The following HCN1 variants were observed in gnomAD, a reference collection of about 807,000 sequenced individuals.
HCN1 encodes hyperpolarization activated cyclic nucleotide gated potassium channel 1.
Under a neutral mutation model 78.9 loss-of-function variants are expected in HCN1, and 13 were observed. That is an observed-to-expected ratio of 0.16 (90% CI 0.11 to 0.26). The LOEUF (loss-of-function observed/expected upper bound fraction) is 0.26, where lower values mean the gene tolerates loss of function less well. HCN1 is among the 10% of genes least tolerant of loss of function. The pLI, the probability that HCN1 is intolerant of heterozygous loss-of-function variation, is 1.00. For missense variants in HCN1, 810 were observed against 1,154.3 expected, an observed-to-expected ratio of 0.70 and a Z score of 4.32; for synonymous variants, 552 against 455.5, an observed-to-expected ratio of 1.21 and a Z score of -2.70.
chr5:45,650,797 C>T (rs1176864411), intron 1 of HCN1, among the ~76,000 whole-genome samples: 1 of 151,492 alleles, frequency 6.6e-6, no homozygotes, highest in African/African-American at 2.4e-5. Flanking sequence ...TTTTCTCTAC[C>T]CACATGCAAC....
Position 45,388,740 on chromosome 5 carries a change from C to T in HCN1, c.1230+7752G>A, listed in dbSNP as rs558545664. Among the ~76,000 whole-genome samples the T allele has an allele frequency of 2.0e-5, 3 of 152,266 alleles. No homozygotes were observed. In the East Asian group the frequency reaches 5.8e-4, roughly 29 times the overall value. On this transcript the variant is annotated intron_variant, in intron 4 of 7. Coordinates refer to ENST00000303230, the MANE Select transcript of HCN1 (RefSeq NM_021072.4). ...GAGCAGTGTCATCCCACTTACCCCT[C>T]TCATTTCACAAAGTTTATTTGTGAA...
intron 3 of HCN1, among the ~76,000 whole-genome samples, chr5:45,449,837 G>GT (rs983416058): frequency 9.2e-5 from 14 of 151,680 alleles, no homozygotes; most frequent in East Asian, 5.8e-4. Flanking sequence ...ACATAAGTTG[G>GT]TTTTTTTTCT....
intron 4 of HCN1, among the ~76,000 whole-genome samples, chr5:45,383,090 T>C (rs936256769): frequency 1.6e-4 from 24 of 151,984 alleles, no homozygotes; most frequent in African/African-American, 4.3e-4. Context: ...AGAAAATGAG[T>C]CTCTAAGAGA....
At chr5:45,549,307 C>A (rs1375226859) in intron 2 of HCN1, among the ~76,000 whole-genome samples, 1 of 152,000 alleles carries the variant, frequency 6.6e-6, no homozygotes, top group Non-Finnish European at 1.5e-5. Flanking sequence ...AGATATAGAC[C>A]AATGGAACAT....
chr5:45,330,247 C>T (rs1028803721), intron 5 of HCN1, among the ~76,000 whole-genome samples: 6 of 151,182 alleles, frequency 4.0e-5, no homozygotes, highest in Non-Finnish European at 1.5e-5. Flanking sequence ...ATTTGGCATA[C>T]ATAAATATTT....
chr5:45,391,046 C>G (rs1464929128), intron 4 of HCN1, among the ~76,000 whole-genome samples: 2 of 151,920 alleles, frequency 1.3e-5, no homozygotes, highest in Non-Finnish European at 2.9e-5. Flanking sequence ...ATGTTAAATT[C>G]AGTTCCCGGG....
intron 2 of HCN1, among the ~76,000 whole-genome samples, chr5:45,519,638 CTATT>C (rs1370320568): frequency 6.6e-6 from 1 of 151,876 alleles, no homozygotes; most frequent in Admixed American, 6.6e-5. Flanking sequence ...TTTTTAAAAA[CTATT>C]TATTCAATAA....
At chr5:45,650,380 G>GTCAACAAT (rs1400583358) in intron 1 of HCN1, among the ~76,000 whole-genome samples, 4 of 151,924 alleles carry the variant, frequency 2.6e-5, no homozygotes, top group Non-Finnish European at 5.9e-5. Context: ...AAAGCCTAAC[G>GTCAACAAT]TCAACAATGA....
At chr5:45,395,846 T>TG (rs1269872433) in intron 4 of HCN1, among the ~76,000 whole-genome samples, 5 of 151,200 alleles carry the variant, frequency 3.3e-5, no homozygotes, top group African/African-American at 9.9e-5. Flanking sequence ...ATTCTTCATG[T>TG]GGGAAAAAAA....
At chr5:45,599,578 G>T (rs2111961264) in intron 2 of HCN1, among the ~76,000 whole-genome samples, 1 of 152,142 alleles carries the variant, frequency 6.6e-6, no homozygotes, top group African/African-American at 2.4e-5. Context: ...AAAAACTGCT[G>T]AGGCTACCAC....
chr5:45,467,767 T>A (rs1741303399), intron 2 of HCN1, among the ~76,000 whole-genome samples: 1 of 152,122 alleles, frequency 6.6e-6, no homozygotes, highest in Admixed American at 6.6e-5. Context: ...TATAGTTGAA[T>A]TCCCTCAACT....
intron 3 of HCN1, among the ~76,000 whole-genome samples, chr5:45,413,309 AT>A (rs1335002815): frequency 6.6e-6 from 1 of 152,070 alleles, no homozygotes; most frequent in Admixed American, 6.6e-5. Context: ...AATTTCAGAT[AT>A]TTTTTATGAT....
intron 4 of HCN1, among the ~76,000 whole-genome samples, chr5:45,380,789 C>A (rs961194667): frequency 6.6e-6 from 1 of 151,998 alleles, no homozygotes; most frequent in Admixed American, 6.6e-5. Context: ...ATAAGGAAAT[C>A]GTTTTATTAT....
At chr5:45,585,016 C>T (rs920921389) in intron 2 of HCN1, among the ~76,000 whole-genome samples, 1 of 152,158 alleles carries the variant, frequency 6.6e-6, no homozygotes, top group African/African-American at 2.4e-5. Context: ...CTTGGAGTTG[C>T]TCTTCTCGAG....
chr5:45,522,617 T>C (rs1434755846), intron 2 of HCN1, among the ~76,000 whole-genome samples: 1 of 149,276 alleles, frequency 6.7e-6, no homozygotes, highest in African/African-American at 2.5e-5. Context: ...TTTTTTTTTG[T>C]TTTGTTTTGT....
intron 2 of HCN1, among the ~76,000 whole-genome samples, chr5:45,573,987 G>A (rs745843420): frequency 2.0e-5 from 3 of 151,948 alleles, no homozygotes; most frequent in Non-Finnish European, 4.4e-5. Context: ...ATTCCCAATA[G>A]CATATACAAA....
At position 45,520,989 on chromosome 5, in the gene HCN1, GT is replaced by G. The variant is rs1398388236; in HGVS notation, c.850-58983del. On this transcript the variant is annotated intron_variant, in intron 2 of 7. Transcript: ENST00000303230. ...TGCAAACCAGCTACTTTCCTAAGAG[GT>G]TTTTTTTTTTGTTTTTTTGGCTTTT... 1.7e-3 allele frequency among the ~76,000 whole-genome samples: 252 copies of G among 144,794 alleles called. 1 individual carries two copies. Among genetic ancestry groups the G allele is most frequent in the East Asian group, 8.4e-3 (42 of 4,984 alleles). 95.0% of individuals were successfully genotyped at this position (144,794 alleles called of 152,430 possible).
At chr5:45,422,540 C>A (rs759915227) in intron 3 of HCN1, among the ~76,000 whole-genome samples, 25 of 152,124 alleles carry the variant, frequency 1.6e-4, no homozygotes, top group Admixed American at 2.6e-4. Flanking sequence ...AGGACTTCAA[C>A]ATATGAATTT....
chr5:45,476,605 G>A (rs1423090180), intron 2 of HCN1, among the ~76,000 whole-genome samples: 7 of 151,966 alleles, frequency 4.6e-5, no homozygotes, highest in African/African-American at 1.2e-4. Context: ...GGATTGTATT[G>A]GAAATCCCTT....
Sources: allele counts gnomAD v4.1 joint callset (sites outside exome capture counted in the v4.1 genomes callset), GRCh38; gene constraint gnomAD v4.1.1; transcripts MANE v1.5; gene names NCBI Gene and HGNC (gene_info 2026-07-23, HGNC 2026-07-21).